YEATS4: variants seen among roughly 807,000 people sequenced by gnomAD.
YEATS4 encodes the protein YEATS domain-containing protein 4.
Under a neutral mutation model 30.1 loss-of-function variants are expected in YEATS4, and 17 were observed. The ratio of observed to expected loss-of-function variants is 0.56; its 90% CI spans 0.39 to 0.85. YEATS4 has a LOEUF of 0.85. Ranked by LOEUF, YEATS4 falls within the 40% of genes least tolerant of loss-of-function variation. YEATS4 has a pLI of 0.00. For missense variants in YEATS4, 142 were observed against 268.3 expected (o/e 0.53, Z 3.29); for synonymous variants, 85 against 87.5 (o/e 0.97, Z 0.16).
At chr12:69,425,364 GA>G in the YEATS4 span, among the ~76,000 whole-genome samples, 3 of 152,224 alleles carry the variant, frequency 2.0e-5, no homozygotes, top group African/African-American at 2.4e-5. Flanking sequence ...GGAATTTTGA[GA>G]AAGGGGCCTG....
intron 6 of YEATS4, among the ~76,000 whole-genome samples, chr12:69,372,202 A>C (rs1404863047): frequency 6.6e-6 from 1 of 152,148 alleles, no homozygotes; most frequent in Non-Finnish European, 1.5e-5. Flanking sequence ...AAAATGTTTA[A>C]TTTTGTGGGT....
intron 1 of YEATS4, 64 bp downstream of exon 1, chr12:69,360,087 G>C: frequency 6.4e-7 from 1 of 1,566,756 alleles, no homozygotes; most frequent in African/African-American, 1.4e-5. Context: ...CCTGCGCGGC[G>C]CGGGGAGGGC....
chr12:69,361,066 C>T (rs979655150), intron 1 of YEATS4, among the ~76,000 whole-genome samples: 3 of 151,438 alleles, frequency 2.0e-5, no homozygotes, highest in African/African-American at 7.3e-5. Context: ...GGCGTGGTGG[C>T]GGGCACCTGT....
chr12:69,383,112 T>A (rs577244466), intron 6 of YEATS4, among the ~76,000 whole-genome samples: 67 of 152,200 alleles, frequency 4.4e-4, no homozygotes, highest in African/African-American at 1.4e-3. Context: ...AAAATTTTTT[T>A]AATTTTCTGG....
At chr12:69,418,543 A>T in the YEATS4 span, among the ~76,000 whole-genome samples, 4 of 152,230 alleles carry the variant, frequency 2.6e-5, no homozygotes, top group African/African-American at 9.6e-5. Flanking sequence ...TGATAAACAA[A>T]TGCTCATCTA....
chr12:69,423,181 C>G, the YEATS4 span, among the ~76,000 whole-genome samples: 1 of 152,136 alleles, frequency 6.6e-6, no homozygotes, highest in Non-Finnish European at 1.5e-5. Context: ...TAACCAGCAA[C>G]AAATCAAACC....
intron 1 of YEATS4, among the ~76,000 whole-genome samples, 156 bp downstream of exon 1, chr12:69,360,179 G>T (rs1485143830): frequency 6.6e-6 from 1 of 152,080 alleles, no homozygotes; most frequent in Non-Finnish European, 1.5e-5. Context: ...GCCATTGAGC[G>T]AAAAACCGGC....
intron 6 of YEATS4, among the ~76,000 whole-genome samples, chr12:69,388,170 C>G (rs1030633727): frequency 1.3e-5 from 2 of 152,102 alleles, no homozygotes; most frequent in Non-Finnish European, 2.9e-5. Context: ...ACGCCATTCT[C>G]CCGCCTCAGC....
At chr12:69,366,648 C>T (rs1456802140) in intron 4 of YEATS4, among the ~76,000 whole-genome samples, 1 of 152,096 alleles carries the variant, frequency 6.6e-6, no homozygotes, top group Non-Finnish European at 1.5e-5. Context: ...TCTCACATTC[C>T]ACATATGTGG....
chr12:69,404,296 A>G, the YEATS4 span, among the ~76,000 whole-genome samples: 1 of 152,158 alleles, frequency 6.6e-6, no homozygotes, highest in Non-Finnish European at 1.5e-5. Context: ...ATTAGTACCA[A>G]TGCAGTTGCT....
At chr12:69,426,378 C>A in the YEATS4 span, among the ~76,000 whole-genome samples, 1,984 of 152,116 alleles carry the variant, frequency 0.013, 47 homozygotes, top group African/African-American at 0.045. Context: ...AGTTTAAATT[C>A]TTTTTCTTTT....
chr12:69,381,709 A>C (rs557059345), intron 6 of YEATS4, among the ~76,000 whole-genome samples: 1 of 152,262 alleles, frequency 6.6e-6, no homozygotes, highest in East Asian at 1.9e-4. Flanking sequence ...AAATCTTCAC[A>C]ATTTATGTTC....
At chr12:69,402,009 G>A in the YEATS4 span, among the ~76,000 whole-genome samples, 10 of 152,250 alleles carry the variant, frequency 6.6e-5, no homozygotes, top group East Asian at 5.8e-4. Context: ...TTCTTCAGAC[G>A]GTAAGCTTTT....
intron 6 of YEATS4, among the ~76,000 whole-genome samples, chr12:69,381,802 G>A (rs1053762190): frequency 1.3e-5 from 2 of 152,150 alleles, no homozygotes; most frequent in African/African-American, 4.8e-5. Context: ...ATATAAATGT[G>A]CCATGGTGAT....
At chr12:69,409,090 A>G in the YEATS4 span, among the ~76,000 whole-genome samples, 1 of 152,186 alleles carries the variant, frequency 6.6e-6, no homozygotes, top group Non-Finnish European at 1.5e-5. Context: ...AGATATTAGC[A>G]TAGGGATTAA....
the YEATS4 span, among the ~76,000 whole-genome samples, chr12:69,413,354 A>G: frequency 5.3e-5 from 2 of 37,982 alleles, no homozygotes; most frequent in African/African-American, 6.9e-5. Context: ...TCTCTAAATG[A>G]AAAAAAAAAA....
chr12:69,416,608 C>G, the YEATS4 span, among the ~76,000 whole-genome samples: 42,991 of 152,110 alleles, frequency 0.28, 6,904 homozygotes, highest in East Asian at 0.57. Flanking sequence ...TGCCCATCTG[C>G]CTGCAGCCCT....
At chr12:69,400,859 A>G in the YEATS4 span, 9 of 152,220 alleles carry the variant, frequency 5.9e-5, no homozygotes, top group South Asian at 1.9e-3. Flanking sequence ...GGTGTGCATT[A>G]AGAGTAATAG....
At chr12:69,381,007 C>G (rs1258579634) in intron 6 of YEATS4, among the ~76,000 whole-genome samples, 1 of 152,168 alleles carries the variant, frequency 6.6e-6, no homozygotes, top group Admixed American at 6.5e-5. Context: ...CGGGGCAAAA[C>G]TAAAATTGCT....
Sources: allele counts gnomAD v4.1 joint callset (sites outside exome capture counted in the v4.1 genomes callset), GRCh38; gene constraint gnomAD v4.1.1; transcripts MANE v1.5; gene names NCBI Gene and HGNC (gene_info 2026-07-23, HGNC 2026-07-21).